TLK1: variants seen among roughly 807,000 people sequenced by gnomAD.
TLK1 encodes the protein serine/threonine-protein kinase tousled-like 1.
Under a neutral mutation model 105.3 loss-of-function variants are expected in TLK1, and 24 were observed. The ratio of observed to expected loss-of-function variants is 0.23; its 90% CI spans 0.17 to 0.32. The LOEUF (loss-of-function observed/expected upper bound fraction) is 0.32. Among genes scored for constraint, TLK1 ranks in the 10% least tolerant of loss-of-function variants. The probability of loss-of-function intolerance (pLI) is 1.00; values close to 1 mark genes in which losing one functional copy is unlikely to be tolerated. For synonymous variants in TLK1, 321 were observed against 310.4 expected (o/e 1.03, Z -0.36); for missense variants, 558 against 910.5 (o/e 0.61, Z 4.98).
intron 1 of TLK1, among the ~76,000 whole-genome samples, chr2:171,148,849 C>T (rs973183208): frequency 2.1e-5 from 3 of 145,570 alleles, no homozygotes; most frequent in African/African-American, 7.7e-5. Context: ...CACTACACTC[C>T]AGCCTGGGTA....
intron 13 of TLK1, among the ~76,000 whole-genome samples, chr2:171,012,536 T>A (rs1684969908): frequency 6.6e-6 from 1 of 152,174 alleles, no homozygotes; most frequent in Admixed American, 6.5e-5. Context: ...TGGAGTGCAG[T>A]GGCACGATCT....
chr2:171,022,092 C>CACACACACAGACAG (rs149075161), intron 12 of TLK1, among the ~76,000 whole-genome samples: 2 of 147,884 alleles, frequency 1.4e-5, no homozygotes, highest in African/African-American at 5.0e-5. Flanking sequence ...GAAAAACACA[C>CACACACACAGACAG]ACACACACAC....
At chr2:171,048,800 T>A (rs6749884) in intron 10 of TLK1, among the ~76,000 whole-genome samples, 139,866 of 152,262 alleles carry the variant, frequency 0.92, 65,306 homozygotes, top group East Asian at 1. Flanking sequence ...CATGTGAAAG[T>A]AAGTTCTGCC....
chr2:171,057,113 C>T (rs1687538242), intron 5 of TLK1, among the ~76,000 whole-genome samples: 1 of 152,020 alleles, frequency 6.6e-6, no homozygotes, highest in Non-Finnish European at 1.5e-5. Context: ...GTACAAAGTG[C>T]ATGACTTAGC....
intron 2 of TLK1, among the ~76,000 whole-genome samples, chr2:171,105,548 T>C: frequency 6.6e-6 from 1 of 152,064 alleles, no homozygotes; most frequent in East Asian, 1.9e-4. Flanking sequence ...TAGATGAGTG[T>C]GGTGGCGTGC....
intron 1 of TLK1, among the ~76,000 whole-genome samples, chr2:171,187,096 G>GAAAAA (rs1693044958): frequency 8.5e-6 from 1 of 117,068 alleles, no homozygotes; most frequent in Non-Finnish European, 1.8e-5. Flanking sequence ...AAAAGAAAAA[G>GAAAAA]AAAAAGAAAA....
intron 1 of TLK1, among the ~76,000 whole-genome samples, chr2:171,129,592 C>A (rs1427448641): frequency 6.6e-6 from 1 of 152,082 alleles, no homozygotes; most frequent in Non-Finnish European, 1.5e-5. Context: ...GTAATCCCAG[C>A]ACTTTGAAGG....
chr2:171,029,733 C>T (rs1685948570), intron 11 of TLK1, among the ~76,000 whole-genome samples: 1 of 152,012 alleles, frequency 6.6e-6, no homozygotes, highest in African/African-American at 2.4e-5. Context: ...GAAAAGTAAT[C>T]AGTTTAATGT....
chr2:171,152,210 T>C (rs1692070103), intron 1 of TLK1, among the ~76,000 whole-genome samples: 1 of 152,216 alleles, frequency 6.6e-6, no homozygotes, highest in Non-Finnish European at 1.5e-5. Context: ...ACAATCCACA[T>C]AGATGAAGAG....
chr2:171,127,974 G>C (rs1309695746), intron 1 of TLK1, among the ~76,000 whole-genome samples: 1 of 152,034 alleles, frequency 6.6e-6, no homozygotes, highest in Non-Finnish European at 1.5e-5. Flanking sequence ...AGAAAGTCAG[G>C]TCCCTGAATC....
chr2:171,026,431 T>C (rs566216666), intron 12 of TLK1, among the ~76,000 whole-genome samples: 1 of 152,182 alleles, frequency 6.6e-6, no homozygotes, highest in African/African-American at 2.4e-5. Flanking sequence ...AAGTGTACTT[T>C]TTGTAATACA....
At chr2:171,117,354 C>A (rs1290146157) in intron 2 of TLK1, among the ~76,000 whole-genome samples, 2 of 152,192 alleles carry the variant, frequency 1.3e-5, no homozygotes, top group Non-Finnish European at 2.9e-5. Flanking sequence ...AGGACTGGTA[C>A]TGGTCCTTGG....
intron 12 of TLK1, among the ~76,000 whole-genome samples, chr2:171,025,994 G>A (rs146949511): frequency 2.6e-5 from 4 of 152,232 alleles, no homozygotes; most frequent in African/African-American, 9.6e-5. Context: ...TTCATGACAT[G>A]AGAGTATGTT....
intron 6 of TLK1, among the ~76,000 whole-genome samples, chr2:171,055,399 T>C (rs1280237362): frequency 6.6e-6 from 1 of 151,814 alleles, no homozygotes; most frequent in African/African-American, 2.4e-5. Flanking sequence ...TACAACAATA[T>C]ATTCCCTGCC....
In TLK1 at chr2:171,022,670, G is replaced by C. The variant is rs3770431; in HGVS notation, c.1236+5669C>G. Among the ~76,000 whole-genome samples, 24 of 152,238 alleles carry C rather than the reference G, an allele frequency of 1.6e-4. No homozygotes were observed. The East Asian group carries it at 4.6e-3, about 29-fold the overall frequency. ...CTATAAATATAAAGATGAACAACAG[G>C]TTTAAAGATTAAGCCCTCTAGCATT... On this transcript the variant is annotated intron_variant, in intron 12 of 20. Coordinates refer to ENST00000431350, the MANE Select transcript of TLK1 (RefSeq NM_012290.5).
chr2:171,179,698 C>T (rs1305562578), intron 1 of TLK1, among the ~76,000 whole-genome samples: 1 of 152,166 alleles, frequency 6.6e-6, no homozygotes, highest in Non-Finnish European at 1.5e-5. Flanking sequence ...TGGCTCATAC[C>T]TGTAATCCCA....
At chr2:171,089,661 ATAAC>A (rs938356736) in intron 2 of TLK1, among the ~76,000 whole-genome samples, 3 of 152,130 alleles carry the variant, frequency 2.0e-5, no homozygotes, top group Non-Finnish European at 4.4e-5. Flanking sequence ...GACTGACTTA[ATAAC>A]TAACTTTCTC....
Position 171,011,440 on chromosome 2 carries a change from G to A in TLK1, c.1349C>T (p.Pro450Leu), listed in dbSNP as rs761764373. Residue 450 changes from proline to leucine, a missense_variant, in exon 14 of 21, where the codon CCA (proline) becomes CTA (leucine). Coordinates refer to ENST00000431350, the MANE Select transcript of TLK1 (RefSeq NM_012290.5). ...TAATAAATATCTTTCATTTAATGTTGGGTGATCTTTGAACCTTAGAGGTGG... is the reference window on the plus strand; with the variant it reads ...TAATAAATATCTTTCATTTAATGTTAGGTGATCTTTGAACCTTAGAGGTGG... ...NEDNSQFKDHPTLNERYLLLH... is the reference protein window; with the variant it reads ...NEDNSQFKDHLTLNERYLLLH... The A allele has an allele frequency of 6.2e-7, 1 of 1,612,532 alleles. No homozygotes were observed. Among genetic ancestry groups the A allele is most frequent in the Non-Finnish European group, 8.5e-7 (1 of 1,179,288 alleles).
intron 1 of TLK1, among the ~76,000 whole-genome samples, chr2:171,187,361 G>T (rs1693052037): frequency 6.6e-6 from 1 of 152,270 alleles, no homozygotes; most frequent in Non-Finnish European, 1.5e-5. Context: ...GGTCTTAACT[G>T]TTTGGCCTGA....
Sources: gnomAD v4.1 joint callset for allele counts (sites outside exome capture counted in the v4.1 genomes callset) on GRCh38, gnomAD v4.1.1 for gene constraint, MANE v1.5 for transcripts, NCBI Gene and HGNC (gene_info 2026-07-23, HGNC 2026-07-21) for gene names.